Variants in RYR1 observed in about 807,000 individuals in gnomAD.
The protein encoded by RYR1 is central core disease of muscle.
In RYR1, 342 loss-of-function variants were observed where a neutral mutation model predicts 583.5. That is an observed-to-expected ratio of 0.59 (90% confidence interval 0.54 to 0.64). RYR1 has a LOEUF of 0.64. Ranked by LOEUF, RYR1 falls within the 30% of genes least tolerant of loss-of-function variation. The pLI is 0.00. For synonymous variants in RYR1, 2,791 were observed against 2,822.5 expected, an observed-to-expected ratio of 0.99 and a Z score of 0.35; for missense variants, 6,032 against 6,917.2, an observed-to-expected ratio of 0.87 and a Z score of 4.54.
chr19:38,508,727 G>A (rs1345721443), intron 58 of RYR1, among the ~76,000 whole-genome samples: 1 of 152,168 alleles, frequency 6.6e-6, no homozygotes, highest in African/African-American at 2.4e-5. Context: ...GAGGGGGACG[G>A]TGAGATAAAC....
At chr19:38,453,295 T>C (rs1277027594) in intron 13 of RYR1, among the ~76,000 whole-genome samples, 1 of 128,420 alleles carries the variant, frequency 7.8e-6, no homozygotes, top group African/African-American at 3.0e-5. Context: ...GAGAGAAGGA[T>C]GGAATAAAAG....
At position 38,455,621 on chromosome 19, in the gene RYR1, G is replaced by A. The variant is rs1179777145; in HGVS notation, c.1673-12G>A. On this transcript the variant is annotated splice_polypyrimidine_tract_variant and intron_variant, in intron 15 of 105. Coordinates refer to ENST00000359596, the MANE Select transcript of RYR1 (RefSeq NM_000540.3). ...ATGGCCGCTTCACCTCTCATTCTGGGCACCCTGGCAGGCATCCTGGAGGTC... is the reference window on the plus strand; with the variant it reads ...ATGGCCGCTTCACCTCTCATTCTGGACACCCTGGCAGGCATCCTGGAGGTC... 1.2e-6 allele frequency: 2 copies of A among 1,611,236 alleles called. No individual in the cohort carries two copies. The highest frequency in any genetic ancestry group is 3.3e-5 in the Admixed American group (2 of 59,992).
chr19:38,525,535 A>G (rs747302870), intron 71 of RYR1, 33 bp downstream of exon 71: 7 of 1,608,438 alleles, frequency 4.4e-6, no homozygotes, highest in Non-Finnish European at 5.9e-6. Context: ...GGAACCTTCC[A>G]GGATGCCGCC....
At chr19:38,480,612 A>G (rs1218701969) in intron 31 of RYR1, among the ~76,000 whole-genome samples, 4 of 152,206 alleles carry the variant, frequency 2.6e-5, no homozygotes, top group South Asian at 4.1e-4. Flanking sequence ...AAAAAAAACA[A>G]TAGTTTCTAA....
At chr19:38,458,402 C>T (rs1600685601) in intron 18 of RYR1, 110 bp downstream of exon 18, 3 of 1,131,186 alleles carry the variant, frequency 2.7e-6, no homozygotes, top group Admixed American at 1.8e-5. Flanking sequence ...CTGAAAAGGT[C>T]AACTTTTGAC....
rs756236271 is a variant in RYR1 at position 38,446,531 on chromosome 19, AC to A, written c.693del (p.Ile232PhefsTer33). 6.2e-7 allele frequency: 1 copy of A among 1,614,026 alleles called. No individual in the cohort carries two copies. Among genetic ancestry groups the A allele is most frequent in the Non-Finnish European group, 8.5e-7 (1 of 1,179,996 alleles). On this transcript the variant is annotated frameshift_variant, in exon 8 of 106. Transcript: ENST00000359596. LOFTEE classifies it high-confidence loss of function. ...TCATGGACATATGGATGAGTGTCTGACCATTTCCCCTGCTGACAGTGATGAC... is the reference window on the plus strand; with the variant it reads ...TCATGGACATATGGATGAGTGTCTGACATTTCCCCTGCTGACAGTGATGAC... ...LFHGHMDECL[T>X]ISPADSDDQR...
intron 47 of RYR1, among the ~76,000 whole-genome samples, chr19:38,501,251 G>C (rs1369190130): frequency 6.6e-6 from 1 of 152,186 alleles, no homozygotes; most frequent in African/African-American, 2.4e-5. Flanking sequence ...TGTAATCCCA[G>C]CACTTTGGGG....
rs1381604416 is a variant in RYR1 at position 38,565,712 on chromosome 19, A to G, written c.13378A>G (p.Thr4460Ala). 8 of 1,428,298 alleles carry G rather than the reference A, an allele frequency of 5.6e-6. No homozygotes were observed. The highest frequency in any genetic ancestry group is 3.0e-5 in the African/African-American group (2 of 66,696). The allele number at this position is 1,428,298 out of a possible 1,614,324, so 88.5% of individuals were successfully genotyped here. ...GAGGLGDMGD[T>A]TPAEPPTPEG... The stretch of plus-strand genomic sequence containing the variant: ...TGGCGGTCTCGGGGACATGGGGGAC[A>G]CGACGCCTGCGGAACCGCCCACACC... The change falls in exon 91 of 106, where the codon ACG becomes GCG. Residue 4460 changes from threonine (T) to alanine (A), a missense_variant. Thr to Ala is a moderately conservative substitution (Grantham distance 58). Coordinates refer to ENST00000359596, the MANE Select transcript of RYR1 (RefSeq NM_000540.3). This position sits in a 1 kb window ranked among gnomAD's most constrained non-coding sequence, Gnocchi z 4.7.
rs140008110 is a variant in RYR1 at position 38,545,879 on chromosome 19, C to A, written c.12013-566C>A. Among the ~76,000 whole-genome samples the A allele has an allele frequency of 5.1e-3, 779 of 152,282 alleles. 5 individuals carry two copies. Among genetic ancestry groups the A allele is most frequent in the African/African-American group, 0.018 (745 of 41,544 alleles). ...ATGTTGGCAATTTTATGTGACTCAA[C>A]CTAACATAAATAGGGGCCATGAGGC... On this transcript the variant is annotated intron_variant, in intron 87 of 105. Transcript: ENST00000359596.
chr19:38,458,610 T>TTTTGTTTG (rs201257740), intron 18 of RYR1, among the ~76,000 whole-genome samples: 1 of 148,758 alleles, frequency 6.7e-6, no homozygotes, highest in Admixed American at 6.6e-5. Context: ...TATTTATTTA[T>TTTTGTTTG]TTTGTTTGTT....
rs567321458 is a variant in RYR1, at chr19:38,502,621, A to C, written c.7729A>C (p.Ile2577Leu). ...CTTTGCGGGCACAGAACACCGCGCC[A>C]TCATGGTGGACTCTATGCTGCATAC... ...PLFAGTEHRA[I>L]MVDSMLHTVY... The change falls in exon 48 of 106, where the codon ATC (isoleucine) becomes CTC (leucine). Residue 2577 changes from isoleucine (I) to leucine (L), a missense_variant. Coordinates refer to ENST00000359596, the MANE Select transcript of RYR1 (RefSeq NM_000540.3). 1.9e-6 allele frequency: 3 copies of C among 1,612,754 alleles called. No individual in the cohort carries two copies. The highest frequency in any genetic ancestry group is 2.2e-5 in the East Asian group (1 of 44,820).
At chr19:38,443,874 C>CT in intron 5 of RYR1, 78 bp downstream of exon 5, 1 of 1,349,624 alleles carries the variant, frequency 7.4e-7, no homozygotes, top group African/African-American at 1.4e-5. Flanking sequence ...TGCAGAACGC[C>CT]AAGGCAAGCA....
intron 87 of RYR1, among the ~76,000 whole-genome samples, chr19:38,545,492 C>T (rs999645268): frequency 6.6e-6 from 1 of 152,194 alleles, no homozygotes. Context: ...CCTCCCCTCT[C>T]CATTTTATTT....
chr19:38,444,136 TC>T lies in RYR1; in HGVS notation c.425-9del. 6.2e-7 allele frequency: 1 copy of T among 1,608,534 alleles called. No individual in the cohort carries two copies. Among genetic ancestry groups the T allele is most frequent in the Non-Finnish European group, 8.5e-7 (1 of 1,175,126 alleles). On this transcript the variant is annotated splice_polypyrimidine_tract_variant and intron_variant, in intron 5 of 105. Transcript: ENST00000359596. This position sits in a 1 kb window ranked among gnomAD's most constrained non-coding sequence, Gnocchi z 5.1. The stretch of plus-strand genomic sequence containing the variant: ...TCATCTGACAGCCACCCCCATTCCA[TC>T]CCCACCCATAGGAGAGGCTTGCTGG...
In RYR1 at chr19:38,502,507, G is replaced by T. The variant is rs1219173500; in HGVS notation, c.7615G>T (p.Ala2539Ser). The T allele has an allele frequency of 2.5e-6, 4 of 1,596,314 alleles. No individual in the cohort carries two copies. The highest frequency in any genetic ancestry group is 3.3e-4 in the Middle Eastern group (2 of 5,984). ...DMRAAASLDT[A>S]TFSTTEMALA... ...CTGATGTCCTCACCCTGCGCCCTAG[G>T]CCACTTTCAGCACCACCGAGATGGC... The change falls in exon 48 of 106, where the codon GCC becomes TCC. Residue 2539 changes from alanine (A) to serine (S), a missense_variant and splice_region_variant. This residue lies in a region of RYR1 where 250 missense variants were observed against 162.3 expected (regional missense o/e 1.54). Transcript: ENST00000359596.
intron 58 of RYR1, among the ~76,000 whole-genome samples, 195 bp downstream of exon 58, chr19:38,508,022 C>T (rs1474050827): frequency 6.6e-6 from 1 of 152,078 alleles, no homozygotes; most frequent in African/African-American, 2.4e-5. Context: ...GACCCCTGCT[C>T]TCCTGCAACT....
intron 35 of RYR1, 25 bp from the exon 36 acceptor site, chr19:38,490,051 C>T (rs748960512): frequency 1.2e-6 from 2 of 1,612,046 alleles, no homozygotes; most frequent in African/African-American, 1.3e-5. Flanking sequence ...TCCATCTCTC[C>T]TCCCACACGG....
intron 90 of RYR1, among the ~76,000 whole-genome samples, chr19:38,564,341 T>G (rs919210160): frequency 3.9e-5 from 6 of 152,088 alleles, no homozygotes; most frequent in Middle Eastern, 3.4e-3. Flanking sequence ...CTGGCCAACA[T>G]GGCAAAACCC....
In RYR1 at chr19:38,535,997, C is replaced by T. The variant is rs151239950; in HGVS notation, c.11517C>T (p.Ser3839=). The T allele has an allele frequency of 3.3e-5, 54 of 1,613,594 alleles. No individual in the cohort carries two copies. In the African/African-American group the frequency reaches 5.7e-4, roughly 17 times the overall value. Residue 3839 remains serine (S), a splice_region_variant and synonymous_variant, in exon 82 of 106, where the codon AGC becomes AGT. Coordinates refer to ENST00000359596, the MANE Select transcript of RYR1 (RefSeq NM_000540.3). ...QSIQALMQTC[S]VLDLNAFERQ... ...CCTATCTTTCCTTTCTTTTCCTCAGCGTCCTGGATCTCAATGCCTTTGAGA... is the reference window on the plus strand; with the variant it reads ...CCTATCTTTCCTTTCTTTTCCTCAGTGTCCTGGATCTCAATGCCTTTGAGA...
Sources: allele counts gnomAD v4.1 joint callset (sites outside exome capture counted in the v4.1 genomes callset), GRCh38; gene constraint gnomAD v4.1.1; regional missense constraint gnomAD v4.1.1; non-coding constraint Gnocchi (gnomAD v3.1); transcripts MANE v1.5; gene names NCBI Gene and HGNC (gene_info 2026-07-23, HGNC 2026-07-21).